The following ST6GAL1 variants were observed in gnomAD, a reference collection of about 807,000 sequenced individuals.
ST6GAL1 encodes beta-galactoside alpha-2,6-sialyltransferase 1.
A neutral mutation model predicts 38.0 loss-of-function variants in ST6GAL1; 20 were observed. The observed-to-expected ratio is 0.53, with a 90% CI of 0.37 to 0.77. ST6GAL1 has a LOEUF of 0.77. ST6GAL1 is among the 30% of genes least tolerant of loss of function. The pLI is 0.00. For synonymous variants in ST6GAL1, 196 were observed against 188.2 expected, an observed-to-expected ratio of 1.04 and a Z score of -0.34; for missense variants, 432 against 496.4, an observed-to-expected ratio of 0.87 and a Z score of 1.23.
At chr3:187,004,111 C>A (rs993059450) in intron 2 of ST6GAL1, among the ~76,000 whole-genome samples, 34 of 152,168 alleles carry the variant, frequency 2.2e-4, no homozygotes, top group Non-Finnish European at 1.2e-4. Flanking sequence ...TGTGTAGCAC[C>A]TTCCCCACCA....
chr3:186,955,655 A>C (rs1352968508), intron 1 of ST6GAL1, among the ~76,000 whole-genome samples: 1 of 152,074 alleles, frequency 6.6e-6, no homozygotes, highest in African/African-American at 2.4e-5. Context: ...GGTGCGTGCC[A>C]CCATGCCCAG....
At chr3:187,052,971 C>G (rs1718567768) in intron 5 of ST6GAL1, among the ~76,000 whole-genome samples, 1 of 152,204 alleles carries the variant, frequency 6.6e-6, no homozygotes. Flanking sequence ...TGTTTCCTGA[C>G]TTTTTAATGA....
chr3:186,992,822 G>A (rs1323179164), intron 2 of ST6GAL1, among the ~76,000 whole-genome samples: 1 of 152,056 alleles, frequency 6.6e-6, no homozygotes, highest in Non-Finnish European at 1.5e-5. Flanking sequence ...AATATTTGAG[G>A]CCTACTTTTT....
At chr3:187,053,684 C>T (rs919099159) in intron 5 of ST6GAL1, among the ~76,000 whole-genome samples, 1 of 152,186 alleles carries the variant, frequency 6.6e-6, no homozygotes, top group African/African-American at 2.4e-5. Context: ...CAGTACCATG[C>T]TGTTTCGGTT....
At chr3:186,960,148 GGT>G (rs1198402162) in intron 1 of ST6GAL1, among the ~76,000 whole-genome samples, 1 of 152,064 alleles carries the variant, frequency 6.6e-6, no homozygotes, top group East Asian at 1.9e-4. Context: ...CCTCACACAT[GGT>G]ACACTTACTT....
chr3:186,970,808 A>C (rs1715322368), intron 2 of ST6GAL1, among the ~76,000 whole-genome samples: 2 of 152,164 alleles, frequency 1.3e-5, no homozygotes, highest in Admixed American at 1.3e-4. Context: ...TTGCCTATGG[A>C]AGGGCATTTT....
intron 2 of ST6GAL1, among the ~76,000 whole-genome samples, chr3:187,000,214 A>G (rs928736276): frequency 6.6e-6 from 1 of 152,120 alleles, no homozygotes; most frequent in Non-Finnish European, 1.5e-5. Context: ...GTCTGTTTGC[A>G]AAGCAAGCTT....
At chr3:187,015,446 TTC>T (rs1387926670) in intron 2 of ST6GAL1, among the ~76,000 whole-genome samples, 1 of 152,168 alleles carries the variant, frequency 6.6e-6, no homozygotes, top group African/African-American at 2.4e-5. Flanking sequence ...ACCTTGCACA[TTC>T]ACTGAAAATC....
intron 2 of ST6GAL1, among the ~76,000 whole-genome samples, chr3:187,023,831 A>T (rs913448447): frequency 6.6e-6 from 1 of 151,832 alleles, no homozygotes; most frequent in Non-Finnish European, 1.5e-5. Flanking sequence ...ACATGTATAC[A>T]TATGTAACAA....
chr3:187,027,939 G>A (rs574889776), intron 2 of ST6GAL1, among the ~76,000 whole-genome samples: 6 of 152,188 alleles, frequency 3.9e-5, no homozygotes, highest in Admixed American at 2.6e-4. Context: ...TATGCATCAA[G>A]GAAGAGGAAG....
intron 4 of ST6GAL1, among the ~76,000 whole-genome samples, chr3:187,050,145 A>G (rs1718458207): frequency 1.3e-5 from 2 of 152,168 alleles, no homozygotes; most frequent in African/African-American, 4.8e-5. Context: ...TTTCTAAATC[A>G]TCTTGTGTTC....
chr3:187,054,784 CT>C (rs1404998729), intron 5 of ST6GAL1, among the ~76,000 whole-genome samples: 1 of 152,256 alleles, frequency 6.6e-6, no homozygotes, highest in Non-Finnish European at 1.5e-5. Context: ...CTCTGCTAGA[CT>C]TTGGTATCAG....
At chr3:186,984,797 TTCCTTCCA>T (rs1375455367) in intron 2 of ST6GAL1, among the ~76,000 whole-genome samples, 28 of 27,848 alleles carry the variant, frequency 1.0e-3, no homozygotes, top group Admixed American at 1.4e-3. Context: ...CCTTCCTTCC[TTCCTTCCA>T]TCCTTCCTTC....
chr3:186,970,136 G>T (rs555834294), intron 2 of ST6GAL1, among the ~76,000 whole-genome samples: 7 of 151,786 alleles, frequency 4.6e-5, no homozygotes, highest in Non-Finnish European at 1.0e-4. Flanking sequence ...TATAGTTTGT[G>T]TCATTTTCTC....
At chr3:187,055,181 T>A (rs1376486180) in intron 5 of ST6GAL1, among the ~76,000 whole-genome samples, 2 of 152,116 alleles carry the variant, frequency 1.3e-5, no homozygotes, top group African/African-American at 4.8e-5. Flanking sequence ...TATTTGATTC[T>A]TCTCTCTTTT....
At chr3:187,049,134 ACCCG>A (rs1718423281) in intron 4 of ST6GAL1, among the ~76,000 whole-genome samples, 2 of 151,964 alleles carry the variant, frequency 1.3e-5, no homozygotes, top group African/African-American at 4.8e-5. Flanking sequence ...CAGGTGATCC[ACCCG>A]CCTCGGCCTC....
In ST6GAL1 at chr3:187,051,325, C is replaced by G. The variant is rs995163149; in HGVS notation, c.684C>G (p.Thr228=). 2 of 1,614,000 alleles carry G rather than the reference C, an allele frequency of 1.2e-6. No homozygotes were observed. The highest frequency in any genetic ancestry group is 3.3e-4 in the Middle Eastern group (2 of 6,084). The stretch of plus-strand genomic sequence containing the variant: ...AACAAGATGTGGGCACAAAAACTAC[C>G]ATTCGCCTGATGAACTCTCAGGTAA... The part of the protein sequence containing the change: ...NFQQDVGTKT[T]IRLMNSQLVT... Residue 228 remains threonine (T), a synonymous_variant, in exon 5 of 8, where the codon ACC becomes ACG. Coordinates refer to ENST00000169298, the MANE Select transcript of ST6GAL1 (RefSeq NM_173216.2).
intron 2 of ST6GAL1, among the ~76,000 whole-genome samples, chr3:186,965,578 C>T (rs1715078394): frequency 6.6e-6 from 1 of 152,206 alleles, no homozygotes; most frequent in South Asian, 2.1e-4. Context: ...TCTGGTCCCA[C>T]ACCCTCATTT....
intron 1 of ST6GAL1, among the ~76,000 whole-genome samples, chr3:186,946,504 G>A (rs1394296800): frequency 6.6e-6 from 1 of 151,944 alleles, no homozygotes; most frequent in Non-Finnish European, 1.5e-5. Context: ...GCCGGCCTCC[G>A]AAAGTGTTGG....
Sources: allele counts gnomAD v4.1 joint callset (sites outside exome capture counted in the v4.1 genomes callset), GRCh38; gene constraint gnomAD v4.1.1; transcripts MANE v1.5; gene names NCBI Gene and HGNC (gene_info 2026-07-23, HGNC 2026-07-21).